Variants in MTHFD2L observed in about 807,000 individuals in gnomAD.
MTHFD2L encodes the protein bifunctional methylenetetrahydrofolate dehydrogenase/cyclohydrolase 2, mitochondrial.
In MTHFD2L, 29 loss-of-function variants were observed where a neutral mutation model predicts 34.9. The observed-to-expected ratio is 0.83, with a 90% CI of 0.62 to 1.13. The LOEUF (loss-of-function observed/expected upper bound fraction) is 1.13, where lower values mean the gene tolerates loss of function less well. Ranked by LOEUF, MTHFD2L falls within the 50% of genes most tolerant of loss-of-function variation. MTHFD2L has a pLI of 0.00. For synonymous variants in MTHFD2L, 167 were observed against 155.7 expected (o/e 1.07, Z -0.54); for missense variants, 481 against 446.5 (o/e 1.08, Z -0.70).
intron 1 of MTHFD2L, among the ~76,000 whole-genome samples, chr4:74,140,741 CCTT>C (rs1186902043): frequency 2.0e-5 from 3 of 152,196 alleles, no homozygotes; most frequent in Non-Finnish European, 2.9e-5. Flanking sequence ...GCAAAAGTGT[CCTT>C]CTTCACATGG....
At chr4:74,276,248 G>A (rs1038572196) in intron 6 of MTHFD2L, among the ~76,000 whole-genome samples, 3 of 152,058 alleles carry the variant, frequency 2.0e-5, no homozygotes, top group East Asian at 1.9e-4. Flanking sequence ...AAGTTCATGC[G>A]ACAAAATCAC....
intron 6 of MTHFD2L, among the ~76,000 whole-genome samples, chr4:74,260,953 C>A (rs1744611208): frequency 6.6e-6 from 1 of 150,506 alleles, no homozygotes; most frequent in Non-Finnish European, 1.5e-5. Flanking sequence ...TCATTTTAAG[C>A]TATCAATATT....
intron 1 of MTHFD2L, among the ~76,000 whole-genome samples, chr4:74,149,876 A>T (rs1195979418): frequency 6.6e-6 from 1 of 152,184 alleles, no homozygotes; most frequent in Admixed American, 6.5e-5. Flanking sequence ...AAATGGTACT[A>T]TTACAGATGT....
intron 3 of MTHFD2L, among the ~76,000 whole-genome samples, chr4:74,191,880 T>C (rs1732597803): frequency 6.6e-6 from 1 of 152,064 alleles, no homozygotes; most frequent in Admixed American, 6.6e-5. Flanking sequence ...AAAAGGAGGA[T>C]GTTAGAGGAT....
intron 3 of MTHFD2L, among the ~76,000 whole-genome samples, chr4:74,198,178 C>G (rs1182609637): frequency 6.6e-6 from 1 of 152,182 alleles, no homozygotes; most frequent in Non-Finnish European, 1.5e-5. Flanking sequence ...CCACCAGTCT[C>G]TAGTTCTGGC....
chr4:74,146,096 G>C (rs1723577437), intron 1 of MTHFD2L, among the ~76,000 whole-genome samples: 1 of 152,128 alleles, frequency 6.6e-6, no homozygotes, highest in Non-Finnish European at 1.5e-5. Flanking sequence ...TAAACAGAGA[G>C]AAAGATGCTT....
intron 7 of MTHFD2L, among the ~76,000 whole-genome samples, chr4:74,282,223 T>C (rs1352506944): frequency 1.3e-5 from 2 of 152,120 alleles, no homozygotes; most frequent in East Asian, 3.9e-4. Context: ...TCCGTTATCT[T>C]TGTCATATAT....
chr4:74,119,180 GC>G (rs1721707910), upstream of MTHFD2L, among the ~76,000 whole-genome samples: 1 of 152,188 alleles, frequency 6.6e-6, no homozygotes, highest in Admixed American at 6.5e-5. Flanking sequence ...CTGGTTGCTG[GC>G]TTTATAGTGG....
chr4:74,157,800 T>C (rs773222191), upstream of MTHFD2L: 7 of 512,152 alleles, frequency 1.4e-5, no homozygotes, highest in East Asian at 1.6e-4. Context: ...CCTAAAGTGA[T>C]AGTTTGGAGG....
chr4:74,238,265 T>C (rs1043549247), intron 6 of MTHFD2L, among the ~76,000 whole-genome samples: 7 of 152,176 alleles, frequency 4.6e-5, no homozygotes, highest in Non-Finnish European at 1.5e-5. Flanking sequence ...AGAGCAGTTC[T>C]GAGAAGGAAG....
chr4:74,198,713 T>TG (rs1024757307), intron 3 of MTHFD2L, among the ~76,000 whole-genome samples: 1 of 152,150 alleles, frequency 6.6e-6, no homozygotes, highest in African/African-American at 2.4e-5. Flanking sequence ...AGAAAATAGA[T>TG]GGAGGCCCTG....
intron 7 of MTHFD2L, among the ~76,000 whole-genome samples, chr4:74,291,302 T>C (rs1748932429): frequency 6.6e-6 from 1 of 151,908 alleles, no homozygotes. Context: ...GGCATGAGCC[T>C]TCGTGCCTGG....
intron 3 of MTHFD2L, among the ~76,000 whole-genome samples, chr4:74,199,559 C>T (rs1734055001): frequency 6.6e-6 from 1 of 151,974 alleles, no homozygotes; most frequent in Admixed American, 6.6e-5. Context: ...ACCGGTCCAG[C>T]CACTTTTGGC....
At chr4:74,261,493 C>T (rs1467169295) in intron 6 of MTHFD2L, among the ~76,000 whole-genome samples, 1 of 151,950 alleles carries the variant, frequency 6.6e-6, no homozygotes, top group African/African-American at 2.4e-5. Flanking sequence ...AGAGCTCTAA[C>T]CCATGTTTTT....
intron 1 of MTHFD2L, among the ~76,000 whole-genome samples, chr4:74,141,538 T>C (rs1723275160): frequency 6.6e-6 from 1 of 152,206 alleles, no homozygotes; most frequent in South Asian, 2.1e-4. Flanking sequence ...ACTAAAACAG[T>C]CTTCTAACCC....
chr4:74,191,429 T>A (rs1010341225), intron 3 of MTHFD2L, among the ~76,000 whole-genome samples: 4 of 151,954 alleles, frequency 2.6e-5, no homozygotes, highest in African/African-American at 9.7e-5. Context: ...ATCTTTCACC[T>A]TAAATTTATG....
intron 7 of MTHFD2L, among the ~76,000 whole-genome samples, chr4:74,294,162 C>A (rs1301278027): frequency 6.6e-6 from 1 of 152,096 alleles, no homozygotes; most frequent in Non-Finnish European, 1.5e-5. Flanking sequence ...CTTCTTTCTC[C>A]ACTCCAAAAA....
chr4:74,146,309 T>A (rs1193597433), intron 1 of MTHFD2L, among the ~76,000 whole-genome samples: 1 of 152,152 alleles, frequency 6.6e-6, no homozygotes, highest in Non-Finnish European at 1.5e-5. Context: ...GGTCTATGAC[T>A]CCTAAGTTAT....
chr4:74,145,606 A>T (rs1723549231), intron 1 of MTHFD2L, among the ~76,000 whole-genome samples: 1 of 152,228 alleles, frequency 6.6e-6, no homozygotes, highest in Non-Finnish European at 1.5e-5. Context: ...TTGGACATAA[A>T]TAATTCCTAT....
Sources: gnomAD v4.1 joint callset for allele counts (sites outside exome capture counted in the v4.1 genomes callset) on GRCh38, gnomAD v4.1.1 for gene constraint, MANE v1.5 for transcripts, NCBI Gene and HGNC (gene_info 2026-07-23, HGNC 2026-07-21) for gene names.